The following WDR49 variants were observed in gnomAD, a reference collection of about 807,000 sequenced individuals.
WDR49 encodes the protein cilia- and flagella-associated protein 337.
Under a neutral mutation model 119.5 loss-of-function variants are expected in WDR49, and 107 were observed. That is an observed-to-expected ratio of 0.90 (90% confidence interval 0.77 to 1.05). The LOEUF is 1.05. WDR49 is among the 50% of genes least tolerant of loss of function. WDR49 has a pLI of 0.00. For synonymous variants in WDR49, 425 were observed against 418.8 expected (o/e 1.01, Z -0.18); for missense variants, 1,240 against 1,220.5 (o/e 1.02, Z -0.24).
At chr3:167,546,935 T>C (rs1456659897) in intron 10 of WDR49, among the ~76,000 whole-genome samples, 1 of 151,780 alleles carries the variant, frequency 6.6e-6, no homozygotes. Flanking sequence ...GGCAGAGAAT[T>C]AGTTTGATAT....
At chr3:167,542,563 G>A (rs1465467656) in intron 10 of WDR49, among the ~76,000 whole-genome samples, 3 of 151,958 alleles carry the variant, frequency 2.0e-5, no homozygotes, top group Admixed American at 2.0e-4. Context: ...AAATCAAGAT[G>A]GAACTTTAAA....
intron 14 of WDR49, 61 bp from the exon 15 acceptor site, chr3:167,528,078 T>G: frequency 7.0e-7 from 1 of 1,422,702 alleles, no homozygotes. Context: ...TACAATGACA[T>G]AACACTTTTA....
At chr3:167,534,401 C>A (rs1414010347) in intron 11 of WDR49, among the ~76,000 whole-genome samples, 1 of 152,116 alleles carries the variant, frequency 6.6e-6, no homozygotes. Context: ...CTAATACTTT[C>A]ACAATAACAA....
chr3:167,644,604 A>T (rs1718032061), intron 2 of WDR49, among the ~76,000 whole-genome samples: 1 of 152,080 alleles, frequency 6.6e-6, no homozygotes. Context: ...GGTTATAAAT[A>T]CTCCAGTTTG....
intron 8 of WDR49, among the ~76,000 whole-genome samples, chr3:167,562,355 G>A (rs912792262): frequency 3.9e-5 from 6 of 152,080 alleles, no homozygotes; most frequent in Non-Finnish European, 7.4e-5. Flanking sequence ...AAGGAGGGGA[G>A]CAACTGAAAG....
chr3:167,646,622 T>C (rs1559931473), intron 2 of WDR49, among the ~76,000 whole-genome samples: 1 of 152,224 alleles, frequency 6.6e-6, no homozygotes, highest in East Asian at 1.9e-4. Context: ...AACTGAACTT[T>C]ATTTTATGAA....
chr3:167,505,466 A>G, intron 16 of WDR49, 50 bp from the exon 17 acceptor site: 1 of 1,452,736 alleles, frequency 6.9e-7, no homozygotes, highest in Non-Finnish European at 9.0e-7. Context: ...ACAGGGATGG[A>G]GAAACTCTTT....
In WDR49 at chr3:167,500,166, C is replaced by G. The variant is rs146880701; in HGVS notation, c.3018G>C (p.Pro1006=). 3.7e-4 allele frequency: 584 copies of G among 1,570,088 alleles called. No homozygotes were observed. The highest frequency in any genetic ancestry group is 4.7e-4 in the Non-Finnish European group (547 of 1,166,934). The part of the protein sequence containing the change: ...EEERPQILEA[P]SLFKTLKAVF... The stretch of plus-strand genomic sequence containing the variant: ...CTGAGAACTTACTTTTAAAAAGTGA[C>G]GGGGCCTCCAGAATTTGGGGACGCT... Residue 1006 remains proline (P), a synonymous_variant, in exon 18 of 19, where the codon CCG becomes CCC. Transcript: ENST00000682715.
chr3:167,648,094 C>T (rs563614227), intron 2 of WDR49, among the ~76,000 whole-genome samples: 21 of 152,252 alleles, frequency 1.4e-4, no homozygotes, highest in Non-Finnish European at 2.2e-4. Flanking sequence ...TGACAATCTG[C>T]CTCTGAGTTC....
At chr3:167,505,533 C>T in intron 16 of WDR49, 117 bp from the exon 17 acceptor site, 1 of 1,296,750 alleles carries the variant, frequency 7.7e-7, no homozygotes, top group Non-Finnish European at 9.9e-7. Flanking sequence ...AAATCTATTC[C>T]TGTGAACCGA....
chr3:167,643,743 T>G (rs374428537), intron 2 of WDR49, among the ~76,000 whole-genome samples: 1 of 152,058 alleles, frequency 6.6e-6, no homozygotes, highest in African/African-American at 2.4e-5. Context: ...AGGGTAGACA[T>G]TCAATAAATA....
At chr3:167,521,503 A>T (rs937629856) in intron 16 of WDR49, among the ~76,000 whole-genome samples, 4 of 152,212 alleles carry the variant, frequency 2.6e-5, no homozygotes, top group African/African-American at 9.6e-5. Context: ...CACCTGTTTA[A>T]CATAGAATGT....
chr3:167,536,686 C>G (rs978529607), intron 11 of WDR49, among the ~76,000 whole-genome samples, 184 bp downstream of exon 11: 1 of 132,588 alleles, frequency 7.5e-6, no homozygotes, highest in Non-Finnish European at 1.6e-5. Context: ...TCTCAAAATA[C>G]ATATATATAT....
chr3:167,583,891 A>C (rs1003448153), intron 7 of WDR49, among the ~76,000 whole-genome samples: 2 of 152,194 alleles, frequency 1.3e-5, no homozygotes, highest in Non-Finnish European at 1.5e-5. Context: ...GTAACAGTAA[A>C]AAATGAGGGA....
intron 15 of WDR49, 33 bp from the exon 16 acceptor site, chr3:167,522,517 A>G (rs780163702): frequency 6.4e-7 from 1 of 1,573,808 alleles, no homozygotes; most frequent in Non-Finnish European, 8.6e-7. Context: ...TTTTATTTTT[A>G]TGAAATTTAT....
intron 18 of WDR49, among the ~76,000 whole-genome samples, chr3:167,495,116 T>G (rs1751303125): frequency 6.6e-6 from 1 of 152,040 alleles, no homozygotes; most frequent in African/African-American, 2.4e-5. Flanking sequence ...TTATAGGACT[T>G]GCAGAGAAGC....
At chr3:167,578,396 G>A (rs1434229734) in intron 7 of WDR49, among the ~76,000 whole-genome samples, 2 of 151,804 alleles carry the variant, frequency 1.3e-5, no homozygotes, top group Non-Finnish European at 2.9e-5. Context: ...ACTCTTTCTT[G>A]TTTATGATTT....
chr3:167,564,086 A>C (rs1713441209), intron 8 of WDR49, among the ~76,000 whole-genome samples: 1 of 152,216 alleles, frequency 6.6e-6, no homozygotes, highest in Middle Eastern at 3.4e-3. Flanking sequence ...ACTTTTTGCC[A>C]TTTTGTACTC....
At chr3:167,495,555 T>C (rs189007740) in intron 18 of WDR49, among the ~76,000 whole-genome samples, 8 of 146,990 alleles carry the variant, frequency 5.4e-5, no homozygotes, top group Admixed American at 4.0e-4. Flanking sequence ...ATTTGTGATA[T>C]AATTAAACAG....
Sources: allele counts gnomAD v4.1 joint callset (sites outside exome capture counted in the v4.1 genomes callset), GRCh38; gene constraint gnomAD v4.1.1; transcripts MANE v1.5; gene names NCBI Gene and HGNC (gene_info 2026-07-23, HGNC 2026-07-21).